The following CNTNAP2 variants were observed in gnomAD, a reference collection of about 807,000 sequenced individuals.
CNTNAP2 encodes the protein contactin associated protein 2.
CNTNAP2 carries 98 observed loss-of-function variants against 155.2 expected under a neutral mutation model. The observed-to-expected ratio is 0.63, with a 90% CI of 0.54 to 0.75. The LOEUF is 0.75. Ranked by LOEUF, CNTNAP2 falls within the 30% of genes least tolerant of loss-of-function variation. The pLI is 0.00. For synonymous variants in CNTNAP2, 651 were observed against 631.2 expected (o/e 1.03, Z -0.47); for missense variants, 1,727 against 1,688.1 (o/e 1.02, Z -0.40).
intron 3 of CNTNAP2, among the ~76,000 whole-genome samples, chr7:146,850,358 C>T (rs114844637): frequency 0.04 from 6,036 of 152,180 alleles, 143 homozygotes; most frequent in African/African-American, 0.045. Context: ...AATTTAAATG[C>T]TTTATAATGA....
At chr7:146,829,975 T>C (rs1356354683) in intron 2 of CNTNAP2, among the ~76,000 whole-genome samples, 1 of 152,092 alleles carries the variant, frequency 6.6e-6, no homozygotes, top group Non-Finnish European at 1.5e-5. Context: ...TTAGGTTTAC[T>C]GATTGTTTCT....
At chr7:147,628,890 C>T (rs1370553868) in intron 12 of CNTNAP2, among the ~76,000 whole-genome samples, 3 of 123,920 alleles carry the variant, frequency 2.4e-5, no homozygotes, top group Non-Finnish European at 5.2e-5. Flanking sequence ...AAAAAAAAGA[C>T]AAAGAGGAAC....
intron 1 of CNTNAP2, among the ~76,000 whole-genome samples, chr7:146,766,936 A>C (rs1802205443): frequency 6.6e-6 from 1 of 152,144 alleles, no homozygotes; most frequent in Non-Finnish European, 1.5e-5. Flanking sequence ...GTAGGAAACA[A>C]GAGAGATATA....
chr7:146,469,563 C>T (rs2129126329), intron 1 of CNTNAP2, among the ~76,000 whole-genome samples: 1 of 148,920 alleles, frequency 6.7e-6, no homozygotes, highest in Middle Eastern at 3.5e-3. Context: ...TGCTCTGTCA[C>T]CCAGGCTAGA....
At chr7:147,980,706 C>T (rs371839863) in intron 15 of CNTNAP2, among the ~76,000 whole-genome samples, 167 of 150,862 alleles carry the variant, frequency 1.1e-3, no homozygotes, top group African/African-American at 3.8e-3. Flanking sequence ...GGGCGGATCA[C>T]GAGGTCAGGA....
intron 1 of CNTNAP2, among the ~76,000 whole-genome samples, chr7:146,356,048 C>T (rs914849552): frequency 1.6e-5 from 2 of 125,908 alleles, no homozygotes; most frequent in Non-Finnish European, 3.2e-5. Flanking sequence ...AGTATACATA[C>T]GAATACACAC....
At chr7:147,013,458 T>TAAA (rs1798662551) in intron 3 of CNTNAP2, among the ~76,000 whole-genome samples, 1 of 152,158 alleles carries the variant, frequency 6.6e-6, no homozygotes, top group African/African-American at 2.4e-5. Context: ...TTAGCTAACC[T>TAAA]CACAAAATAT....
chr7:147,257,418 T>C (rs138872612), intron 8 of CNTNAP2, among the ~76,000 whole-genome samples: 1 of 152,310 alleles, frequency 6.6e-6, no homozygotes, highest in African/African-American at 2.4e-5. Flanking sequence ...AGCACTCCTT[T>C]GGGGCTCCAG....
intron 12 of CNTNAP2, among the ~76,000 whole-genome samples, chr7:147,608,309 A>G (rs899188912): frequency 1.3e-5 from 2 of 151,994 alleles, no homozygotes; most frequent in African/African-American, 4.8e-5. Context: ...TATCTTATAA[A>G]TATTGTAAGT....
At chr7:146,552,595 T>C (rs1338180184) in intron 1 of CNTNAP2, among the ~76,000 whole-genome samples, 1 of 152,092 alleles carries the variant, frequency 6.6e-6, no homozygotes. Flanking sequence ...AGCACTTCCC[T>C]CCTCTAACGA....
chr7:146,384,056 G>A (rs1167012739), intron 1 of CNTNAP2, among the ~76,000 whole-genome samples: 1 of 152,146 alleles, frequency 6.6e-6, no homozygotes, highest in Non-Finnish European at 1.5e-5. Context: ...AGACAGATGG[G>A]CCATACAAGA....
intron 1 of CNTNAP2, among the ~76,000 whole-genome samples, chr7:146,241,940 A>G (rs1208558116): frequency 6.6e-6 from 1 of 152,192 alleles, no homozygotes; most frequent in East Asian, 1.9e-4. Flanking sequence ...AAGTTTGCTC[A>G]CACTGAATTG....
rs899253773 is a variant in CNTNAP2 at position 147,238,083 on chromosome 7, C to T, written c.1349-62058C>T. On this transcript the variant is annotated intron_variant, in intron 8 of 23. Transcript: ENST00000361727. ...AGGCTGGAGTGCAGTGGCGCGATCT[C>T]GGCTCACTACAAGCTCCGCCTCCCG... 1.3e-4 allele frequency among the ~76,000 whole-genome samples: 20 copies of T among 152,278 alleles called. No individual in the cohort carries two copies. In the East Asian group the frequency reaches 3.1e-3, roughly 24 times the overall value.
intron 10 of CNTNAP2, among the ~76,000 whole-genome samples, chr7:147,402,393 C>T (rs563612827): frequency 1.3e-5 from 2 of 152,312 alleles, no homozygotes; most frequent in Admixed American, 1.3e-4. Flanking sequence ...ATGACAACTG[C>T]TCCTTCTGGC....
chr7:148,162,840 A>T lies in CNTNAP2; in HGVS notation c.2774-9402A>T, dbSNP rs537940007. On this transcript the variant is annotated intron_variant, in intron 17 of 23. Transcript: ENST00000361727. The stretch of plus-strand genomic sequence containing the variant: ...GCAAGACCTTGTCTCTACAAAAAAA[A>T]ATTTTTTTAATTAACCAGGCATGGT... Among the ~76,000 whole-genome samples, 200 of 150,604 alleles carry T rather than the reference A, an allele frequency of 1.3e-3. 2 individuals carry two copies. The highest frequency in any genetic ancestry group is 4.5e-3 in the African/African-American group (186 of 41,150).
At chr7:147,060,803 G>A (rs1451312346) in intron 4 of CNTNAP2, among the ~76,000 whole-genome samples, 1 of 151,914 alleles carries the variant, frequency 6.6e-6, no homozygotes, top group African/African-American at 2.4e-5. Flanking sequence ...GGCGGAGCTT[G>A]CAGTGAGCCG....
intron 10 of CNTNAP2, among the ~76,000 whole-genome samples, chr7:147,400,107 T>C (rs1181111409): frequency 1.3e-5 from 2 of 152,154 alleles, no homozygotes; most frequent in African/African-American, 4.8e-5. Context: ...AATCTTTTTC[T>C]CTCCAGCCTC....
intron 1 of CNTNAP2, among the ~76,000 whole-genome samples, chr7:146,698,010 C>T (rs183979152): frequency 1.3e-5 from 2 of 152,112 alleles, no homozygotes; most frequent in African/African-American, 4.8e-5. Context: ...TTGCAATATA[C>T]ATTTGCAATA....
At chr7:147,276,392 T>C (rs970995079) in intron 8 of CNTNAP2, among the ~76,000 whole-genome samples, 1 of 152,032 alleles carries the variant, frequency 6.6e-6, no homozygotes, top group Non-Finnish European at 1.5e-5. Flanking sequence ...AATTGTAAAA[T>C]ATACATATCT....
Sources: gnomAD v4.1 joint callset for allele counts (sites outside exome capture counted in the v4.1 genomes callset) on GRCh38, gnomAD v4.1.1 for gene constraint, MANE v1.5 for transcripts, NCBI Gene and HGNC (gene_info 2026-07-23, HGNC 2026-07-21) for gene names.